CAMKMT: variants seen among roughly 807,000 people sequenced by gnomAD.
CAMKMT encodes the protein CaM KMT.
Under a neutral mutation model 48.0 loss-of-function variants are expected in CAMKMT, and 53 were observed. The ratio of observed to expected loss-of-function variants is 1.10; its 90% CI spans 0.89 to 1.39. CAMKMT has a LOEUF of 1.39. Among genes scored for constraint, CAMKMT ranks in the 40% most tolerant of loss-of-function variants. The pLI is 0.00. For synonymous variants in CAMKMT, 165 were observed against 152.3 expected (o/e 1.08, Z -0.61); for missense variants, 428 against 402.7 (o/e 1.06, Z -0.54).
intron 3 of CAMKMT, among the ~76,000 whole-genome samples, chr2:44,700,453 C>T (rs1382944602): frequency 6.6e-6 from 1 of 152,166 alleles, no homozygotes; most frequent in African/African-American, 2.4e-5. Context: ...GGAATCATTT[C>T]TAGCTTTTGA....
rs542652549 is a variant in CAMKMT at position 44,722,763 on chromosome 2, C to A, written c.623+7410C>A. Among the ~76,000 whole-genome samples the A allele has an allele frequency of 2.6e-5, 4 of 152,234 alleles. No homozygotes were observed. The East Asian group carries it at 7.7e-4, about 29-fold the overall frequency. On this transcript the variant is annotated intron_variant, in intron 7 of 10. Transcript: ENST00000378494. The stretch of plus-strand genomic sequence containing the variant: ...ATATAATTGTACTTTCTAGTCCATT[C>A]ATTCTAATATTTTGTTGTCACTTTG...
chr2:44,513,171 T>TGTGTG (rs1670653549), intron 3 of CAMKMT, among the ~76,000 whole-genome samples: 1 of 152,174 alleles, frequency 6.6e-6, no homozygotes, highest in Non-Finnish European at 1.5e-5. Context: ...GCCGCTCTTC[T>TGTGTG]GTGTGGCCTA....
At chr2:44,670,587 G>A (rs1675270103) in intron 3 of CAMKMT, among the ~76,000 whole-genome samples, 1 of 152,260 alleles carries the variant, frequency 6.6e-6, no homozygotes, top group East Asian at 1.9e-4. Context: ...CAGTGTTAAA[G>A]GCTGCAGAGA....
At chr2:44,512,647 T>C (rs958004252) in intron 3 of CAMKMT, among the ~76,000 whole-genome samples, 1 of 152,262 alleles carries the variant, frequency 6.6e-6, no homozygotes, top group South Asian at 2.1e-4. Context: ...AGCTAGTATT[T>C]CTTCTCTATT....
intron 3 of CAMKMT, among the ~76,000 whole-genome samples, chr2:44,590,370 G>A (rs1670184087): frequency 6.6e-6 from 1 of 152,184 alleles, no homozygotes; most frequent in Non-Finnish European, 1.5e-5. Context: ...GAATTCACCA[G>A]TAAGCCAGCT....
intron 3 of CAMKMT, among the ~76,000 whole-genome samples, chr2:44,535,214 A>G (rs765520906): frequency 6.6e-6 from 1 of 152,202 alleles, no homozygotes; most frequent in South Asian, 2.1e-4. Context: ...GAAAACCTGA[A>G]TAGACCAATA....
chr2:44,501,910 C>A (rs1438969042), intron 3 of CAMKMT, among the ~76,000 whole-genome samples: 1 of 151,904 alleles, frequency 6.6e-6, no homozygotes, highest in Non-Finnish European at 1.5e-5. Flanking sequence ...TAAAATGATA[C>A]AACAAAAACA....
intron 3 of CAMKMT, among the ~76,000 whole-genome samples, chr2:44,431,744 A>G (rs1684662134): frequency 6.6e-6 from 1 of 152,168 alleles, no homozygotes; most frequent in African/African-American, 2.4e-5. Flanking sequence ...TAGGCTTATC[A>G]TCTTGTGCTG....
At chr2:44,562,552 A>T (rs2341460) in intron 3 of CAMKMT, among the ~76,000 whole-genome samples, 135,184 of 152,162 alleles carry the variant, frequency 0.89, 60,605 homozygotes, top group African/African-American at 0.98. Context: ...GTAAGCCGTG[A>T]CTTCAAAGCC....
intron 7 of CAMKMT, among the ~76,000 whole-genome samples, chr2:44,723,230 A>C (rs1253473417): frequency 6.6e-6 from 1 of 152,128 alleles, no homozygotes; most frequent in African/African-American, 2.4e-5. Context: ...TCACGTGGGG[A>C]CCACCAAACT....
chr2:44,611,499 C>T (rs898953048), intron 3 of CAMKMT, among the ~76,000 whole-genome samples: 4 of 151,316 alleles, frequency 2.6e-5, no homozygotes, highest in Non-Finnish European at 4.4e-5. Context: ...ATTTTGACTA[C>T]AATTAATAGT....
Position 44,418,179 on chromosome 2 carries a change from C to G in CAMKMT, c.376+27874C>G, listed in dbSNP as rs113805472. The stretch of plus-strand genomic sequence containing the variant: ...TGCACTCTAGCCTGGGCGACAAGAG[C>G]GGAACTCTGTCTCAAAAAAAAAAAA... On this transcript the variant is annotated intron_variant, in intron 3 of 10. Transcript: ENST00000378494. Among the ~76,000 whole-genome samples, 259 of 130,816 alleles carry G rather than the reference C, an allele frequency of 2.0e-3. No individual in the cohort carries two copies. In the Middle Eastern group the frequency reaches 0.037, roughly 19 times the overall value. 85.8% of individuals were successfully genotyped at this position (130,816 alleles called of 152,430 possible).
chr2:44,625,230 C>G lies in CAMKMT; in HGVS notation c.377-79053C>G, dbSNP rs75038433. Among the ~76,000 whole-genome samples, 1,151 of 152,242 alleles carry G rather than the reference C, an allele frequency of 7.6e-3. 17 individuals are homozygous for G. Among genetic ancestry groups the G allele is most frequent in the African/African-American group, 0.026 (1,093 of 41,548 alleles). Reference sequence around the variant, plus strand: ...AGTATCTTATTGTGATTTCAATTTGCATTCCCCTAATGATTGCTGATGTTG... The same window carrying G: ...AGTATCTTATTGTGATTTCAATTTGGATTCCCCTAATGATTGCTGATGTTG... On this transcript the variant is annotated intron_variant, in intron 3 of 10. Transcript: ENST00000378494.
chr2:44,563,809 CT>C lies in CAMKMT; in HGVS notation c.377-140467del, dbSNP rs1421099597. Reference sequence around the variant, plus strand: ...TCCCTACAAAGGACACGAACTCATCCTTTTTTTATGGCTGCATAGTATTCCG... The same window carrying C: ...TCCCTACAAAGGACACGAACTCATCCTTTTTTATGGCTGCATAGTATTCCG... On this transcript the variant is annotated intron_variant, in intron 3 of 10. Transcript: ENST00000378494. Among the ~76,000 whole-genome samples the C allele has an allele frequency of 3.9e-5, 6 of 152,220 alleles. 1 individual carries two copies. Among genetic ancestry groups the C allele is most frequent in the Admixed American group, 1.3e-4 (2 of 15,290 alleles).
At chr2:44,572,665 GTTATGAGTAATGCTGCTATGTTGGCTC>G (rs1304643408) in intron 3 of CAMKMT, among the ~76,000 whole-genome samples, 2 of 151,766 alleles carry the variant, frequency 1.3e-5, no homozygotes, top group Non-Finnish European at 2.9e-5. Flanking sequence ...GGAATTGGCT[GTTATGAGTAATGCTGCTATGTTGGCTC>G]TTATGAGTAA....
intron 3 of CAMKMT, among the ~76,000 whole-genome samples, chr2:44,554,798 C>T (rs1667919310): frequency 6.6e-6 from 1 of 152,094 alleles, no homozygotes; most frequent in Admixed American, 6.6e-5. Context: ...ATCGCTTGAG[C>T]CCAGGAGGTC....
chr2:44,409,074 T>C (rs1682982094), intron 3 of CAMKMT, among the ~76,000 whole-genome samples: 1 of 114,944 alleles, frequency 8.7e-6, no homozygotes, highest in Non-Finnish European at 1.9e-5. Flanking sequence ...AGTTGTTATT[T>C]CAGCCGATAT....
chr2:44,626,169 C>T (rs1476997087), intron 3 of CAMKMT, among the ~76,000 whole-genome samples: 1 of 152,052 alleles, frequency 6.6e-6, no homozygotes, highest in Non-Finnish European at 1.5e-5. Flanking sequence ...ATATCTCACT[C>T]CATTTATTTA....
In CAMKMT at chr2:44,724,344, C is replaced by T. The variant is rs143582744; in HGVS notation, c.623+8991C>T. On this transcript the variant is annotated intron_variant, in intron 7 of 10. Coordinates refer to ENST00000378494, the MANE Select transcript of CAMKMT (RefSeq NM_024766.5). ...TCATACAGGTAGAGATCTTCTGAAACGAGATTTTCAAAGTGGTTCATGACC... is the reference window on the plus strand; with the variant it reads ...TCATACAGGTAGAGATCTTCTGAAATGAGATTTTCAAAGTGGTTCATGACC... 3.9e-3 allele frequency among the ~76,000 whole-genome samples: 596 copies of T among 152,272 alleles called. 5 individuals are homozygous for T. The highest frequency in any genetic ancestry group is 0.013 in the African/African-American group (558 of 41,552).
Sources: allele counts gnomAD v4.1 joint callset (sites outside exome capture counted in the v4.1 genomes callset), GRCh38; gene constraint gnomAD v4.1.1; transcripts MANE v1.5; gene names NCBI Gene and HGNC (gene_info 2026-07-23, HGNC 2026-07-21).